Variants in SUCO observed in about 807,000 individuals in gnomAD.
SUCO encodes SUN domain-containing ossification factor.
A neutral mutation model predicts 148.1 loss-of-function variants in SUCO; 57 were observed. The observed-to-expected ratio is 0.38, with a 90% confidence interval of 0.31 to 0.48. SUCO has a LOEUF of 0.48. Among genes scored for constraint, SUCO ranks in the 20% least tolerant of loss-of-function variants. SUCO has a pLI of 0.96. For synonymous variants in SUCO, 470 were observed against 502.7 expected (o/e 0.93, Z 0.87); for missense variants, 1,331 against 1,468.2 (o/e 0.91, Z 1.53).
At chr1:172,577,940 C>G in intron 13 of SUCO, 121 bp downstream of exon 13, 1 of 674,344 alleles carries the variant, frequency 1.5e-6, no homozygotes, top group Non-Finnish European at 2.4e-6. Context: ...GAAATAAAAA[C>G]TGTGAAACCT....
chr1:172,542,656 C>T, intron 1 of SUCO: 1 of 852,402 alleles, frequency 1.2e-6, no homozygotes, highest in Non-Finnish European at 1.4e-6. Flanking sequence ...GGCCCCCCAC[C>T]CCATCCATGG....
intron 19 of SUCO, among the ~76,000 whole-genome samples, chr1:172,595,111 C>CT (rs983384382): frequency 1.4e-4 from 21 of 152,018 alleles, no homozygotes; most frequent in Admixed American, 1.0e-3. Flanking sequence ...GTAACCCCTG[C>CT]TTTTTTTTGT....
chr1:172,577,449 A>C, intron 11 of SUCO, 90 bp from the exon 12 acceptor site: 3 of 1,246,376 alleles, frequency 2.4e-6, no homozygotes, highest in Non-Finnish European at 3.4e-6. Flanking sequence ...TACTTTATAC[A>C]ACATAATTTA....
chr1:172,600,046 T>A lies in SUCO; in HGVS notation c.2914-18T>A, dbSNP rs1571288888. On this transcript the variant is annotated intron_variant, in intron 19 of 23. Coordinates refer to ENST00000263688, the MANE Select transcript of SUCO (RefSeq NM_014283.5). Reference sequence around the variant, plus strand: ...TTTGTAGTTAATATTCAAAAAAAAATAAATTCCTTTATCATAGGATCAGCG... The same window carrying A: ...TTTGTAGTTAATATTCAAAAAAAAAAAAATTCCTTTATCATAGGATCAGCG... The A allele has an allele frequency of 6.5e-7, 1 of 1,528,650 alleles. No individual in the cohort carries two copies. Among genetic ancestry groups the A allele is most frequent in the East Asian group, 2.4e-5 (1 of 42,062 alleles). The allele number at this position is 1,528,650 out of a possible 1,614,324, so 94.7% of individuals were successfully genotyped here.
chr1:172,550,973 T>C (rs1653252635), intron 1 of SUCO: 3 of 647,174 alleles, frequency 4.6e-6, no homozygotes, highest in Non-Finnish European at 5.8e-6. Context: ...CTAGAGACTT[T>C]CTTTTTTATT....
chr1:172,553,612 T>G (rs543892235), intron 3 of SUCO, among the ~76,000 whole-genome samples: 1 of 152,290 alleles, frequency 6.6e-6, no homozygotes, highest in African/African-American at 2.4e-5. Flanking sequence ...TCCTCATTTC[T>G]TCCTCGGTTC....
intron 16 of SUCO, among the ~76,000 whole-genome samples, chr1:172,585,478 T>C (rs1656174678): frequency 6.6e-6 from 1 of 152,186 alleles, no homozygotes; most frequent in African/African-American, 2.4e-5. Flanking sequence ...ATAATATTTT[T>C]GGCAAGAAGA....
At chr1:172,604,765 C>T (rs1275697147) in intron 22 of SUCO, among the ~76,000 whole-genome samples, 2 of 151,798 alleles carry the variant, frequency 1.3e-5, no homozygotes, top group African/African-American at 4.8e-5. Context: ...TGGATTCATA[C>T]AGTATTTGTC....
intron 1 of SUCO, among the ~76,000 whole-genome samples, chr1:172,550,577 G>A (rs1388704250): frequency 6.6e-6 from 1 of 151,874 alleles, no homozygotes; most frequent in Non-Finnish European, 1.5e-5. Flanking sequence ...TAATTTTACT[G>A]TCTTTTCCAT....
chr1:172,554,853 A>C lies in SUCO; in HGVS notation c.289-1016A>C, dbSNP rs562953654. On this transcript the variant is annotated intron_variant, in intron 3 of 23. Transcript: ENST00000263688. ...CAGTAGTCATTTTCTCAAGGCCTCC[A>C]TCATAAAAATGCAGATGACTATTTA... 1.4e-4 allele frequency among the ~76,000 whole-genome samples: 21 copies of C among 152,176 alleles called. 1 individual carries two copies. In the South Asian group the frequency reaches 4.2e-3, roughly 30 times the overall value.
chr1:172,591,321 C>T (rs1011999668), intron 19 of SUCO, among the ~76,000 whole-genome samples: 1 of 151,636 alleles, frequency 6.6e-6, no homozygotes, highest in Non-Finnish European at 1.5e-5. Context: ...ATGTGTACAA[C>T]GTGCAAGTTT....
In SUCO at chr1:172,555,990, C is replaced by T. The variant is rs535247620; in HGVS notation, c.410C>T (p.Ser137Phe). 1 of 1,613,198 alleles carries T rather than the reference C, an allele frequency of 6.2e-7. No individual in the cohort carries two copies. The highest frequency in any genetic ancestry group is 2.2e-5 in the East Asian group (1 of 44,838). The change falls in exon 4 of 24, where the codon TCT (serine) becomes TTT (phenylalanine). Residue 137 changes from serine to phenylalanine, a missense_variant. Physicochemically the swap from Ser to Phe is radical, Grantham distance 155. Around this residue, in one of 3 missense-constraint regions of SUCO, gnomAD observed 992 missense variants for 1,093.5 expected, o/e 0.91. Coordinates refer to ENST00000263688, the MANE Select transcript of SUCO (RefSeq NM_014283.5). ...SETVENISSS[S>F]TSEITPISKL... ...ACTGTTGAAAATATTTCCAGCTCAT[C>T]TACCTCAGAAATCACTCCAATCTCA...
intron 3 of SUCO, chr1:172,555,425 T>C: frequency 1.0e-6 from 1 of 984,830 alleles, no homozygotes; most frequent in Non-Finnish European, 1.2e-6. Flanking sequence ...GTAAGAATCA[T>C]TTATTGCTTC....
chr1:172,543,654 C>G (rs1332477933), intron 1 of SUCO, among the ~76,000 whole-genome samples: 1 of 152,006 alleles, frequency 6.6e-6, no homozygotes, highest in Non-Finnish European at 1.5e-5. Flanking sequence ...AGACCCAATC[C>G]TACATCAGAG....
At chr1:172,557,168 A>T in intron 4 of SUCO, 112 bp from the exon 5 acceptor site, 1 of 1,419,300 alleles carries the variant, frequency 7.0e-7, no homozygotes. Flanking sequence ...ATGATTTAAA[A>T]TTTTCTTTCT....
At chr1:172,604,512 C>A (rs990336775) in intron 22 of SUCO, among the ~76,000 whole-genome samples, 1 of 151,766 alleles carries the variant, frequency 6.6e-6, no homozygotes, top group African/African-American at 2.4e-5. Context: ...GAGACCATGT[C>A]TTTTTCTTAT....
At chr1:172,591,157 G>GC in intron 19 of SUCO, 86 bp downstream of exon 19, 3 of 1,013,682 alleles carry the variant, frequency 3.0e-6, no homozygotes, top group South Asian at 1.7e-5. Context: ...AAGTATTGTA[G>GC]TTTCACTTTT....
At chr1:172,579,378 T>A (rs1487985262) in intron 15 of SUCO, 111 bp downstream of exon 15, 1 of 615,160 alleles carries the variant, frequency 1.6e-6, no homozygotes, top group Non-Finnish European at 2.8e-6. Context: ...GAACTTTGAG[T>A]TGAAATAAAA....
intron 19 of SUCO, among the ~76,000 whole-genome samples, chr1:172,597,094 G>A (rs10912009): frequency 0.23 from 34,977 of 152,166 alleles, 4,169 homozygotes; most frequent in South Asian, 0.37. Flanking sequence ...AGCCATGCAC[G>A]GGATATAATC....
Sources: gnomAD v4.1 joint callset for allele counts (sites outside exome capture counted in the v4.1 genomes callset) on GRCh38, gnomAD v4.1.1 for gene constraint, gnomAD v4.1.1 regional missense constraint, MANE v1.5 for transcripts, NCBI Gene and HGNC (gene_info 2026-07-23, HGNC 2026-07-21) for gene names.